CIROZ: variants seen among roughly 807,000 people sequenced by gnomAD.
CIROZ encodes ciliated left-right organizer protein containing ZP-N domains.
the CIROZ span, among the ~76,000 whole-genome samples, chr1:10,980,945 T>C: frequency 6.6e-6 from 1 of 152,320 alleles, no homozygotes; most frequent in African/African-American, 2.4e-5. Context: ...CCCACTCAGC[T>C]TCTCCACTGC....
the CIROZ span, among the ~76,000 whole-genome samples, chr1:10,962,338 T>TC: frequency 6.6e-6 from 1 of 151,966 alleles, no homozygotes; most frequent in African/African-American, 2.4e-5. Flanking sequence ...TCCCAGCTAC[T>TC]CGTGAGGCTG....
chr1:10,961,680 A>G, the CIROZ span, among the ~76,000 whole-genome samples: 1 of 152,188 alleles, frequency 6.6e-6, no homozygotes, highest in African/African-American at 2.4e-5. Context: ...GCGGCAGCTC[A>G]CGCCTGTAAT....
the CIROZ span, among the ~76,000 whole-genome samples, chr1:10,954,517 C>T: frequency 6.6e-6 from 1 of 152,006 alleles, no homozygotes; most frequent in South Asian, 2.1e-4. Context: ...ATGGCAGGGG[C>T]ATCCCATGCC....
At chr1:10,949,792 G>T in the CIROZ span, 1 of 1,569,018 alleles carries the variant, frequency 6.4e-7, no homozygotes, top group Non-Finnish European at 8.6e-7. Context: ...CAGCAGTTGA[G>T]GCAGGCGACT....
the CIROZ span, chr1:10,976,029 G>T: frequency 1.4e-6 from 1 of 705,172 alleles, no homozygotes; most frequent in Non-Finnish European, 2.3e-6. Context: ...CCACGCTTTG[G>T]TGAAGGCTTT....
the CIROZ span, among the ~76,000 whole-genome samples, chr1:10,980,854 C>A: frequency 2.6e-5 from 4 of 152,378 alleles, no homozygotes; most frequent in South Asian, 8.3e-4. Flanking sequence ...GCTGAGCCCC[C>A]TCATGGGGCA....
the CIROZ span, chr1:10,948,541 G>T: frequency 8.1e-5 from 130 of 1,614,016 alleles, no homozygotes; most frequent in Non-Finnish European, 1.0e-4. Flanking sequence ...CCTGAGACCA[G>T]AAGTGATTCA....
At chr1:10,951,745 A>AAAAAAAAAAAATATATAT in the CIROZ span, among the ~76,000 whole-genome samples, 1 of 119,204 alleles carries the variant, frequency 8.4e-6, no homozygotes, top group African/African-American at 3.6e-5. Context: ...AAAAAAAAAA[A>AAAAAAAAAAAATATATAT]ATATATATAT....
At chr1:10,970,164 G>A in the CIROZ span, 4 of 1,323,238 alleles carry the variant, frequency 3.0e-6, no homozygotes, top group South Asian at 3.0e-5. Context: ...AAGAAAGGAA[G>A]GAAGGAAGGA....
chr1:10,981,388 T>C, the CIROZ span, among the ~76,000 whole-genome samples: 2 of 151,104 alleles, frequency 1.3e-5, no homozygotes. Flanking sequence ...AGTTAAGAGA[T>C]GACAGTGAAC....
the CIROZ span, among the ~76,000 whole-genome samples, chr1:10,972,420 T>TAGAAACACAC: frequency 3.9e-3 from 517 of 131,790 alleles, 7 homozygotes; most frequent in African/African-American, 0.015. Context: ...GTCTCTGAAA[T>TAGAAACACAC]ACACACACAC....
At chr1:10,980,286 A>C in the CIROZ span, among the ~76,000 whole-genome samples, 1 of 152,214 alleles carries the variant, frequency 6.6e-6, no homozygotes, top group Admixed American at 6.5e-5. Flanking sequence ...CTGAGCCTGC[A>C]GCCTTTGAGC....
the CIROZ span, among the ~76,000 whole-genome samples, chr1:10,972,692 G>C: frequency 6.6e-6 from 1 of 152,196 alleles, no homozygotes; most frequent in Non-Finnish European, 1.5e-5. Context: ...CACATGTGCA[G>C]TAAATAATTA....
At chr1:10,947,963 A>T in the CIROZ span, 13 of 1,613,724 alleles carry the variant, frequency 8.1e-6, no homozygotes, top group South Asian at 1.4e-4. Context: ...GCCCTCCCAC[A>T]GATGAGGCTT....
At chr1:10,947,541 G>T in the CIROZ span, 1 of 831,804 alleles carries the variant, frequency 1.2e-6, no homozygotes, top group Non-Finnish European at 1.7e-6. Context: ...AGAGCACCGG[G>T]GCTTCCCTGG....
the CIROZ span, chr1:10,953,923 A>G: frequency 4.1e-6 from 6 of 1,474,094 alleles, no homozygotes; most frequent in Non-Finnish European, 5.4e-6. Context: ...GGAGTGAAAC[A>G]TTGTCACAGA....
chr1:10,976,029 G>A, the CIROZ span: 1 of 705,172 alleles, frequency 1.4e-6, no homozygotes, highest in Non-Finnish European at 2.3e-6. Context: ...CCACGCTTTG[G>A]TGAAGGCTTT....
chr1:10,969,912 G>A, the CIROZ span: 4 of 1,471,396 alleles, frequency 2.7e-6, no homozygotes, highest in Non-Finnish European at 2.7e-6. Context: ...TTGCAGGCAG[G>A]GGAAGGCAAC....
chr1:10,966,075 G>A, the CIROZ span, among the ~76,000 whole-genome samples: 2 of 152,178 alleles, frequency 1.3e-5, no homozygotes, highest in Admixed American at 6.5e-5. Flanking sequence ...TGGTGTGTGA[G>A]TGGGCACATT....
Sources: allele counts gnomAD v4.1 joint callset (sites outside exome capture counted in the v4.1 genomes callset), GRCh38; gene constraint gnomAD v4.1.1; transcripts MANE v1.5; gene names NCBI Gene and HGNC (gene_info 2026-07-23, HGNC 2026-07-21).